HFM1: variants seen among roughly 807,000 people sequenced by gnomAD.
HFM1 encodes probable ATP-dependent DNA helicase HFM1.
A neutral mutation model predicts 192.1 loss-of-function variants in HFM1; 169 were observed. That is an observed-to-expected ratio of 0.88 (90% CI 0.78 to 1.00). The LOEUF (loss-of-function observed/expected upper bound fraction) is 1.00, where lower values mean the gene tolerates loss of function less well. Ranked by LOEUF, HFM1 falls within the 50% of genes least tolerant of loss-of-function variation. The pLI, the probability that HFM1 is intolerant of heterozygous loss-of-function variation, is 0.00. For synonymous variants in HFM1, 525 were observed against 537.8 expected (o/e 0.98, Z 0.33); for missense variants, 1,661 against 1,668.0 (o/e 1.00, Z 0.07).
intron 33 of HFM1, among the ~76,000 whole-genome samples, chr1:91,274,125 C>T (rs1666579624): frequency 6.6e-6 from 1 of 151,886 alleles, no homozygotes; most frequent in African/African-American, 2.4e-5. Context: ...ATATAGAATG[C>T]CCTTATCTAG....
At chr1:91,272,862 G>GA (rs1215911422) in intron 34 of HFM1, among the ~76,000 whole-genome samples, 4 of 149,334 alleles carry the variant, frequency 2.7e-5, no homozygotes, top group Admixed American at 1.3e-4. Context: ...ACAACATGAA[G>GA]AAAAAAAAAT....
At chr1:91,346,626 T>C (rs2101681197) in intron 19 of HFM1, among the ~76,000 whole-genome samples, 1 of 152,306 alleles carries the variant, frequency 6.6e-6, no homozygotes, top group African/African-American at 2.4e-5. Context: ...AAGGAGACAG[T>C]TTCAACACAA....
In HFM1 at chr1:91,401,096, AC is replaced by A; in HGVS notation, c.-15del. On this transcript the variant is annotated 5_prime_UTR_variant, in exon 2 of 39. Transcript: ENST00000370425. Reference sequence around the variant, plus strand: ...TGATTTCAGCATTGTTGAAAACTGGACTTTGTCATAAATCTACAAAATATGG... The same window carrying A: ...TGATTTCAGCATTGTTGAAAACTGGATTTGTCATAAATCTACAAAATATGG... The A allele has an allele frequency of 6.8e-7, 1 of 1,470,936 alleles. No homozygotes were observed. Among genetic ancestry groups the A allele is most frequent in the South Asian group, 1.3e-5 (1 of 78,862 alleles). 91.1% of individuals were successfully genotyped at this position (1,470,936 alleles called of 1,614,324 possible). A position where few individuals can be genotyped will look rare whatever the true frequency, so the allele number is the denominator to read the frequency against.
chr1:91,307,459 ATTTTT>A (rs1304374759), intron 30 of HFM1, among the ~76,000 whole-genome samples: 2 of 151,286 alleles, frequency 1.3e-5, no homozygotes, highest in African/African-American at 4.9e-5. Context: ...ATTTTATTTT[ATTTTT>A]TATTTTGAGA....
At chr1:91,399,386 C>A (rs536743484) in intron 2 of HFM1, among the ~76,000 whole-genome samples, 4 of 152,122 alleles carry the variant, frequency 2.6e-5, no homozygotes, top group African/African-American at 9.7e-5. Context: ...TTTATTTTTA[C>A]GTCCATTTAC....
chr1:91,270,683 A>G (rs1666208952), intron 34 of HFM1, among the ~76,000 whole-genome samples: 1 of 152,162 alleles, frequency 6.6e-6, no homozygotes, highest in South Asian at 2.1e-4. Context: ...CTGAAATCAA[A>G]GGAGAGATTT....
chr1:91,360,632 T>A (rs573779503), intron 13 of HFM1, among the ~76,000 whole-genome samples: 1 of 152,228 alleles, frequency 6.6e-6, no homozygotes, highest in South Asian at 2.1e-4. Flanking sequence ...ATTAGACAGA[T>A]CACTGAGACA....
intron 9 of HFM1, 141 bp downstream of exon 9, chr1:91,378,922 T>C (rs1312885688): frequency 1.8e-6 from 1 of 545,770 alleles, no homozygotes. Flanking sequence ...TACCTTGAAT[T>C]GTAGTATTTT....
intron 30 of HFM1, among the ~76,000 whole-genome samples, chr1:91,283,999 TGAGA>T (rs968909187): frequency 2.0e-5 from 3 of 152,074 alleles, no homozygotes; most frequent in Admixed American, 1.3e-4. Context: ...TTTTTAATGA[TGAGA>T]GAGTCTCCTT....
intron 20 of HFM1, among the ~76,000 whole-genome samples, chr1:91,326,544 A>G (rs1281023713): frequency 1.3e-5 from 2 of 152,238 alleles, no homozygotes; most frequent in African/African-American, 2.4e-5. Flanking sequence ...AAGGAGAAAT[A>G]AAGAGCTTCC....
At chr1:91,261,931 G>A (rs933823299) in intron 38 of HFM1, among the ~76,000 whole-genome samples, 2 of 152,114 alleles carry the variant, frequency 1.3e-5, no homozygotes, top group African/African-American at 4.8e-5. Context: ...GATCTCATCT[G>A]GATTTCTCAA....
intron 6 of HFM1, among the ~76,000 whole-genome samples, chr1:91,382,882 A>C (rs1661719630): frequency 6.6e-6 from 1 of 152,206 alleles, no homozygotes; most frequent in South Asian, 2.1e-4. Flanking sequence ...CACTGAAATA[A>C]TGGGGAAATG....
At chr1:91,371,023 C>A (rs1310510003) in intron 13 of HFM1, among the ~76,000 whole-genome samples, 2 of 151,476 alleles carry the variant, frequency 1.3e-5, no homozygotes, top group African/African-American at 2.4e-5. Flanking sequence ...ACTTAGGAAT[C>A]CAACTTACAA....
At position 91,396,385 on chromosome 1, in the gene HFM1, G is replaced by C; in HGVS notation, c.92C>G (p.Ser31Ter). ...AGCAGGAGGGAGAAACCAATCCAATGACTTTTCATTGTCTGGATGGCTATA... is the reference window on the plus strand; with the variant it reads ...AGCAGGAGGGAGAAACCAATCCAATCACTTTTCATTGTCTGGATGGCTATA... ...EVENHPDNEKSLDWFLPPAPL... is the reference protein window; with the variant it reads ...EVENHPDNEK Residue 31 changes from serine to a stop codon, truncating the protein, a stop_gained, in exon 3 of 39, where the codon TCA (serine) becomes TGA (stop). Transcript: ENST00000370425. LOFTEE classifies it high-confidence loss of function. 6.3e-7 allele frequency: 1 copy of C among 1,591,358 alleles called. No individual in the cohort carries two copies. The highest frequency in any genetic ancestry group is 8.6e-7 in the Non-Finnish European group (1 of 1,164,012).
At chr1:91,308,690 A>T (rs1387551492) in intron 30 of HFM1, among the ~76,000 whole-genome samples, 1 of 152,078 alleles carries the variant, frequency 6.6e-6, no homozygotes, top group Non-Finnish European at 1.5e-5. Flanking sequence ...AGTGTGTGTC[A>T]CCATGTCTGG....
chr1:91,277,138 C>A, intron 30 of HFM1, 76 bp from the exon 31 acceptor site: 2 of 743,618 alleles, frequency 2.7e-6, no homozygotes, highest in Admixed American at 2.7e-5. Flanking sequence ...TAATTTTTAT[C>A]CAGTTTCCTT....
chr1:91,308,014 T>G lies in HFM1; in HGVS notation c.3391+5335A>C, dbSNP rs1649894662. 2.0e-5 allele frequency among the ~76,000 whole-genome samples: 3 copies of G among 152,184 alleles called. No individual in the cohort carries two copies. The South Asian group carries it at 6.2e-4, about 32-fold the overall frequency. On this transcript the variant is annotated intron_variant, in intron 30 of 38. Coordinates refer to ENST00000370425, the MANE Select transcript of HFM1 (RefSeq NM_001017975.6). Reference sequence around the variant, plus strand: ...CTGTTGTTATTTTGAAGGTAATGCATAAATGATGTGTCTAATTTTAACATT... The same window carrying G: ...CTGTTGTTATTTTGAAGGTAATGCAGAAATGATGTGTCTAATTTTAACATT...
At chr1:91,268,426 A>AT (rs1665967552) in intron 34 of HFM1, among the ~76,000 whole-genome samples, 2 of 152,040 alleles carry the variant, frequency 1.3e-5, no homozygotes, top group African/African-American at 4.8e-5. Context: ...GCCAAATTAC[A>AT]TAAGTGAAAA....
At chr1:91,307,111 G>T (rs369060342) in intron 30 of HFM1, among the ~76,000 whole-genome samples, 27 of 152,048 alleles carry the variant, frequency 1.8e-4, no homozygotes, top group Admixed American at 8.5e-4. Flanking sequence ...TTCATAGAGG[G>T]TTCTTAATTT....
Sources: gnomAD v4.1 joint callset for allele counts (sites outside exome capture counted in the v4.1 genomes callset) on GRCh38, gnomAD v4.1.1 for gene constraint, MANE v1.5 for transcripts, NCBI Gene and HGNC (gene_info 2026-07-23, HGNC 2026-07-21) for gene names.